Variants in MPRIP observed in about 807,000 individuals in gnomAD.
The protein encoded by MPRIP is myosin phosphatase Rho interacting protein.
MPRIP carries 59 observed loss-of-function variants against 234.9 expected under a neutral mutation model. That is an observed-to-expected ratio of 0.25 (90% CI 0.20 to 0.31). The LOEUF is 0.31. MPRIP is among the 10% of genes least tolerant of loss of function. MPRIP has a pLI of 1.00. For synonymous variants in MPRIP, 1,144 were observed against 1,263.9 expected, an observed-to-expected ratio of 0.91 and a Z score of 2.01; for missense variants, 2,436 against 3,071.0, an observed-to-expected ratio of 0.79 and a Z score of 4.89.
intron 1 of MPRIP, among the ~76,000 whole-genome samples, chr17:17,073,301 A>G (rs576095460): frequency 1.7e-4 from 26 of 152,260 alleles, no homozygotes; most frequent in African/African-American, 5.8e-4. Flanking sequence ...GTCACAGCCA[A>G]GCAAAGTGGC....
chr17:17,135,514 G>A (rs1214794067), intron 5 of MPRIP, among the ~76,000 whole-genome samples: 1 of 152,214 alleles, frequency 6.6e-6, no homozygotes, highest in African/African-American at 2.4e-5. Flanking sequence ...AGGCTAGTCA[G>A]CTTATAAATA....
rs994648487 is a variant in MPRIP at position 17,164,230 on chromosome 17, C to A, written c.2639C>A (p.Thr880Asn). Reference protein sequence around the residue: ...RQELITHQIQTLKRSYGEAKD... With the variant: ...RQELITHQIQNLKRSYGEAKD... The stretch of plus-strand genomic sequence containing the variant: ...GAGCTGATTACACACCAGATTCAGA[C>A]CCTGAAGCGTAGCTATGGGGAGGCC... The change falls in exon 16 of 24, where the codon ACC becomes AAC. Residue 880 changes from threonine to asparagine, a missense_variant. Around this residue, in one of 4 missense-constraint regions of MPRIP, gnomAD observed 1,998 missense variants for 2,520.3 expected, o/e 0.79. Transcript: ENST00000651222. 1.1e-5 allele frequency: 14 copies of A among 1,304,246 alleles called. No homozygotes were observed. The highest frequency in any genetic ancestry group is 2.1e-4 in the Middle Eastern group (1 of 4,720). The allele number at this position is 1,304,246 out of a possible 1,614,324, so 80.8% of individuals were successfully genotyped here.
intron 16 of MPRIP, among the ~76,000 whole-genome samples, chr17:17,169,770 G>A (rs1478785691): frequency 6.6e-6 from 1 of 152,234 alleles, no homozygotes; most frequent in East Asian, 1.9e-4. Flanking sequence ...TGGGGACAGG[G>A]TCTTGGCCTA....
intron 21 of MPRIP, among the ~76,000 whole-genome samples, 197 bp from the exon 22 acceptor site, chr17:17,177,053 G>T (rs887938618): frequency 2.0e-5 from 3 of 152,192 alleles, no homozygotes; most frequent in East Asian, 1.9e-4. Context: ...TGTCCTGATG[G>T]CTGTGCCCGT....
At chr17:17,172,676 G>A in intron 17 of MPRIP, 22 bp from the exon 18 acceptor site, 2 of 1,602,394 alleles carry the variant, frequency 1.2e-6, no homozygotes, top group South Asian at 1.1e-5. Flanking sequence ...CCTCGGTGCT[G>A]AGGCCGTGTC....
chr17:17,057,619 C>T (rs902732351), intron 1 of MPRIP: 10 of 717,980 alleles, frequency 1.4e-5, no homozygotes, highest in Non-Finnish European at 2.6e-5. Flanking sequence ...AGTTTTCAAC[C>T]TTTATTTCTT....
At chr17:17,174,891 A>G (rs1057473750) in intron 19 of MPRIP, among the ~76,000 whole-genome samples, 7 of 152,184 alleles carry the variant, frequency 4.6e-5, no homozygotes, top group African/African-American at 1.2e-4. Flanking sequence ...GATTCGTTCA[A>G]TATTGGCTTT....
chr17:17,164,538 C>T lies in MPRIP; in HGVS notation c.2947C>T (p.Gln983Ter), dbSNP rs1474716742. The T allele has an allele frequency of 8.3e-7, 1 of 1,208,846 alleles. No individual in the cohort carries two copies. Among genetic ancestry groups the T allele is most frequent in the East Asian group, 5.8e-5 (1 of 17,330 alleles). The allele number at this position is 1,208,846 out of a possible 1,614,324, so 74.9% of individuals were successfully genotyped here. A position where few individuals can be genotyped will look rare whatever the true frequency, so the allele number is the denominator to read the frequency against. Residue 983 changes from glutamine (Q) to a stop codon, truncating the protein, a stop_gained, in exon 16 of 24, where the codon CAG becomes TAG. Coordinates refer to ENST00000651222, the MANE Select transcript of MPRIP (RefSeq NM_001364716.4). LOFTEE classifies it high-confidence loss of function. ...LRGLETQQAL[Q>*]RDRQKEVQRL... ...GGGCCTGGAGACACAGCAGGCGCTG[C>T]AGCGGGACCGGCAGAAGGAGGTCCA... is the stretch of plus-strand genomic sequence containing the variant.
intron 22 of MPRIP, 30 bp downstream of exon 22, chr17:17,177,442 A>T (rs781316335): frequency 2.5e-6 from 4 of 1,602,674 alleles, no homozygotes; most frequent in Non-Finnish European, 3.4e-6. Context: ...CCTCTCGGTT[A>T]TTGCTGGGGG....
At chr17:17,128,966 C>G (rs1436873600) in intron 4 of MPRIP, among the ~76,000 whole-genome samples, 2 of 152,216 alleles carry the variant, frequency 1.3e-5, no homozygotes, top group Non-Finnish European at 1.5e-5. Flanking sequence ...CTGGTCACAT[C>G]AAAGCTGGTC....
At chr17:17,131,972 C>G (rs992496309) in intron 5 of MPRIP, among the ~76,000 whole-genome samples, 1 of 152,222 alleles carries the variant, frequency 6.6e-6, no homozygotes, top group South Asian at 2.1e-4. Flanking sequence ...GTGACCCCTC[C>G]CCTCGCTATC....
At chr17:17,055,651 C>T (rs1357742750) in intron 1 of MPRIP, among the ~76,000 whole-genome samples, 1 of 152,200 alleles carries the variant, frequency 6.6e-6, no homozygotes, top group Non-Finnish European at 1.5e-5. Flanking sequence ...AGGCAGATGT[C>T]ACCTCGGCAG....
intron 3 of MPRIP, among the ~76,000 whole-genome samples, chr17:17,104,719 G>A (rs903649635): frequency 2.0e-5 from 3 of 152,192 alleles, no homozygotes; most frequent in African/African-American, 7.2e-5. Context: ...TCTCAGTGCT[G>A]TGCCAGCTAG....
intron 3 of MPRIP, among the ~76,000 whole-genome samples, chr17:17,104,415 A>T (rs2090023326): frequency 6.6e-6 from 1 of 152,170 alleles, no homozygotes; most frequent in African/African-American, 2.4e-5. Context: ...CCTTCCTGGT[A>T]GAGAATTGCT....
chr17:17,112,751 A>G (rs1299758112), intron 3 of MPRIP, among the ~76,000 whole-genome samples: 1 of 152,206 alleles, frequency 6.6e-6, no homozygotes, highest in African/African-American at 2.4e-5. Flanking sequence ...GTGCCACTGG[A>G]CAAAGGTGTT....
chr17:17,119,983 GA>G (rs2090357924), intron 3 of MPRIP, among the ~76,000 whole-genome samples: 1 of 152,210 alleles, frequency 6.6e-6, no homozygotes, highest in Non-Finnish European at 1.5e-5. Context: ...GGTGTGGGGG[GA>G]AGTCAGGTTT....
intron 8 of MPRIP, 120 bp from the exon 9 acceptor site, chr17:17,143,436 A>C: frequency 1.7e-6 from 1 of 581,944 alleles, no homozygotes; most frequent in South Asian, 2.9e-5. Flanking sequence ...TAGGCAGATC[A>C]CTGCCCCTCG....
chr17:17,103,714 T>C (rs566442272), intron 3 of MPRIP, among the ~76,000 whole-genome samples: 22 of 152,286 alleles, frequency 1.4e-4, no homozygotes, highest in Admixed American at 3.9e-4. Flanking sequence ...GGGTGGGGGC[T>C]GAAAAGAGTA....
chr17:17,177,220 A>G (rs1255906820), intron 21 of MPRIP, 30 bp from the exon 22 acceptor site: 1 of 1,601,882 alleles, frequency 6.2e-7, no homozygotes, highest in Non-Finnish European at 8.5e-7. Context: ...CCTGGATGTA[A>G]CTACCATTCT....
Sources: allele counts gnomAD v4.1 joint callset (sites outside exome capture counted in the v4.1 genomes callset), GRCh38; gene constraint gnomAD v4.1.1; regional missense constraint gnomAD v4.1.1; transcripts MANE v1.5; gene names NCBI Gene and HGNC (gene_info 2026-07-23, HGNC 2026-07-21).